PCDHA8: variants seen among roughly 807,000 people sequenced by gnomAD.
PCDHA8 encodes protocadherin alpha 8.
PCDHA8 carries 53 observed loss-of-function variants against 61.8 expected under a neutral mutation model. That is an observed-to-expected ratio of 0.86 (90% CI 0.69 to 1.08). PCDHA8 has a LOEUF of 1.08. Among genes scored for constraint, PCDHA8 ranks in the 50% least tolerant of loss-of-function variants. PCDHA8 has a pLI of 0.00. For synonymous variants in PCDHA8, 618 were observed against 556.6 expected (o/e 1.11, Z -1.55); for missense variants, 1,293 against 1,245.0 (o/e 1.04, Z -0.58).
intron 3 of PCDHA8, among the ~76,000 whole-genome samples, chr5:140,996,637 G>A (rs2097735642): frequency 6.6e-6 from 1 of 152,190 alleles, no homozygotes; most frequent in Admixed American, 6.5e-5. Flanking sequence ...TGCAAATTAT[G>A]TAGTTAATCC....
In PCDHA8 at chr5:140,882,282, G is replaced by T. The variant is rs145553181; in HGVS notation, c.2394+38567G>T. On this transcript the variant is annotated intron_variant, in intron 1 of 3. Coordinates refer to ENST00000531613, the MANE Select transcript of PCDHA8 (RefSeq NM_018911.3). Reference sequence around the variant, plus strand: ...TTGGAGTGTACCATGCTGTCTTCCTGGCAAGGAGGCCCAAGACCGCGGCAA... The same window carrying T: ...TTGGAGTGTACCATGCTGTCTTCCTTGCAAGGAGGCCCAAGACCGCGGCAA... 4.2e-5 allele frequency: 68 copies of T among 1,612,712 alleles called. No individual in the cohort carries two copies. The African/African-American group carries it at 8.4e-4, about 20-fold the overall frequency.
chr5:140,928,940 AT>A (rs573936635), intron 1 of PCDHA8: 94 of 1,614,062 alleles, frequency 5.8e-5, no homozygotes, highest in Non-Finnish European at 7.9e-5. Flanking sequence ...CAGAACTTGT[AT>A]TTAGTAATTG....
intron 3 of PCDHA8, among the ~76,000 whole-genome samples, chr5:140,982,814 A>G (rs1166333981): frequency 6.6e-6 from 1 of 151,580 alleles, no homozygotes; most frequent in Non-Finnish European, 1.5e-5. Context: ...TGTGTGTATG[A>G]AGTTTTTGGG....
At chr5:141,006,403 C>T (rs2098271999) in intron 3 of PCDHA8, among the ~76,000 whole-genome samples, 1 of 151,934 alleles carries the variant, frequency 6.6e-6, no homozygotes, top group Non-Finnish European at 1.5e-5. Context: ...TTAGTAGAGA[C>T]GCGGTTTCAC....
intron 1 of PCDHA8, chr5:140,877,232 C>A: frequency 6.2e-6 from 10 of 1,613,680 alleles, no homozygotes; most frequent in Non-Finnish European, 7.6e-6. Context: ...TCGGTGGGTG[C>A]GGGCCACGTG....
chr5:140,869,858 T>C (rs1554163543), intron 1 of PCDHA8: 5 of 1,610,642 alleles, frequency 3.1e-6, no homozygotes, highest in East Asian at 4.5e-5. Context: ...GTGAGCCTTA[T>C]GGAAAATGCT....
At chr5:140,960,346 T>A (rs782732587) in intron 1 of PCDHA8, among the ~76,000 whole-genome samples, 21 of 152,174 alleles carry the variant, frequency 1.4e-4, no homozygotes, top group Admixed American at 2.6e-4. Context: ...AGGTGAGATA[T>A]GTACTGAAAT....
At chr5:140,973,980 A>G (rs1554235707) in intron 1 of PCDHA8, among the ~76,000 whole-genome samples, 1 of 152,248 alleles carries the variant, frequency 6.6e-6, no homozygotes, top group African/African-American at 2.4e-5. Flanking sequence ...TGGCTTTTAC[A>G]GAACTTCACC....
At chr5:140,932,880 AT>A (rs1219080024) in intron 1 of PCDHA8, among the ~76,000 whole-genome samples, 2 of 151,952 alleles carry the variant, frequency 1.3e-5, no homozygotes, top group Non-Finnish European at 2.9e-5. Context: ...TGTCTTCAAT[AT>A]TTTCAGTTAG....
chr5:140,889,441 C>G (rs2062226063), intron 1 of PCDHA8, among the ~76,000 whole-genome samples: 2 of 151,842 alleles, frequency 1.3e-5, no homozygotes, highest in African/African-American at 2.4e-5. Flanking sequence ...CAGGTATTTT[C>G]CTGTTTAATC....
chr5:140,858,383 A>G lies in PCDHA8; in HGVS notation c.2394+14668A>G, dbSNP rs181849631. Reference sequence around the variant, plus strand: ...CAGCCCCAGCCTTCCACCATGCCCAATGGTAGATGTGGACGGGGAAGATCA... The same window carrying G: ...CAGCCCCAGCCTTCCACCATGCCCAGTGGTAGATGTGGACGGGGAAGATCA... On this transcript the variant is annotated intron_variant, in intron 1 of 3. Transcript: ENST00000531613. 1,813 of 1,584,980 alleles carry G rather than the reference A, an allele frequency of 1.1e-3. 172 individuals are homozygous for G. Among genetic ancestry groups the G allele is most frequent in the Non-Finnish European group, 1.3e-3 (1,523 of 1,159,242 alleles).
chr5:140,956,885 T>A (rs1156888418), intron 1 of PCDHA8, among the ~76,000 whole-genome samples: 1 of 152,194 alleles, frequency 6.6e-6, no homozygotes, highest in Non-Finnish European at 1.5e-5. Flanking sequence ...TAGATATCAA[T>A]GAATGAATAT....
At chr5:140,856,210 G>C (rs556174610) in intron 1 of PCDHA8, 1 of 1,598,116 alleles carries the variant, frequency 6.3e-7, no homozygotes, top group African/African-American at 1.3e-5. Context: ...TGGGGCTGGA[G>C]CTGGCGGAGC....
At chr5:140,950,997 A>G (rs782438146) in intron 1 of PCDHA8, among the ~76,000 whole-genome samples, 6 of 151,460 alleles carry the variant, frequency 4.0e-5, no homozygotes, top group Non-Finnish European at 7.4e-5. Flanking sequence ...TTTTAGCTCC[A>G]TTTTTCCCAA....
chr5:140,941,193 TTC>T (rs1491512649), intron 1 of PCDHA8, among the ~76,000 whole-genome samples: 2 of 116,638 alleles, frequency 1.7e-5, no homozygotes, highest in Admixed American at 1.7e-4. Flanking sequence ...TTCTTTTTTT[TTC>T]TTTCTTCCTT....
intron 1 of PCDHA8, among the ~76,000 whole-genome samples, chr5:140,914,821 A>G (rs1046692794): frequency 6.6e-6 from 1 of 152,212 alleles, no homozygotes; most frequent in Non-Finnish European, 1.5e-5. Flanking sequence ...AACAGACTGC[A>G]TAAACAAAAA....
At chr5:140,868,930 G>A (rs966807738) in intron 1 of PCDHA8, 6 of 1,085,506 alleles carry the variant, frequency 5.5e-6, no homozygotes, top group East Asian at 5.1e-5. Context: ...TTCATTTAAA[G>A]GTTGGTCTGA....
intron 1 of PCDHA8, among the ~76,000 whole-genome samples, chr5:140,896,927 A>G (rs1453519374): frequency 6.6e-6 from 1 of 152,212 alleles, no homozygotes; most frequent in Non-Finnish European, 1.5e-5. Flanking sequence ...TAATCACATC[A>G]TGGAAAATGG....
intron 1 of PCDHA8, chr5:140,884,062 C>T (rs1328958684): frequency 8.7e-6 from 14 of 1,613,496 alleles, no homozygotes; most frequent in Non-Finnish European, 1.2e-5. Context: ...GCGCGGTGGA[C>T]GCCGATTCGG....
Sources: gnomAD v4.1 joint callset for allele counts (sites outside exome capture counted in the v4.1 genomes callset) on GRCh38, gnomAD v4.1.1 for gene constraint, MANE v1.5 for transcripts, NCBI Gene and HGNC (gene_info 2026-07-23, HGNC 2026-07-21) for gene names.